Variants in ARHGAP15 observed in about 807,000 individuals in gnomAD.
ARHGAP15 encodes Rho GTPase activating protein 15.
Under a neutral mutation model 63.7 loss-of-function variants are expected in ARHGAP15, and 51 were observed. The observed-to-expected ratio is 0.80, with a 90% confidence interval of 0.64 to 1.01. The LOEUF (loss-of-function observed/expected upper bound fraction) is 1.01, where lower values mean the gene tolerates loss of function less well. ARHGAP15 is among the 50% of genes least tolerant of loss of function. The pLI, the probability that ARHGAP15 is intolerant of heterozygous loss-of-function variation, is 0.00. For synonymous variants in ARHGAP15, 191 were observed against 193.8 expected (o/e 0.99, Z 0.12); for missense variants, 560 against 564.6 (o/e 0.99, Z 0.08).
intron 6 of ARHGAP15, among the ~76,000 whole-genome samples, chr2:143,357,280 G>A (rs1180501957): frequency 6.6e-6 from 1 of 152,080 alleles, no homozygotes; most frequent in East Asian, 1.9e-4. Flanking sequence ...CACTCTGTGT[G>A]CTCAAATCAG....
chr2:143,359,527 C>T (rs1051339917), intron 6 of ARHGAP15, among the ~76,000 whole-genome samples: 1 of 152,084 alleles, frequency 6.6e-6, no homozygotes, highest in East Asian at 1.9e-4. Context: ...GCCTTCATCC[C>T]TCAATATGTC....
intron 8 of ARHGAP15, among the ~76,000 whole-genome samples, chr2:143,449,084 T>A (rs1313040480): frequency 6.6e-6 from 1 of 152,052 alleles, no homozygotes; most frequent in Non-Finnish European, 1.5e-5. Flanking sequence ...TTCCAACCCA[T>A]GATTACGGAC....
chr2:143,281,562 A>G (rs538856346), intron 6 of ARHGAP15, among the ~76,000 whole-genome samples: 1 of 152,164 alleles, frequency 6.6e-6, no homozygotes, highest in Admixed American at 6.5e-5. Flanking sequence ...TGACTCTTCC[A>G]TAGGTAACGT....
chr2:143,253,739 T>G (rs946220125), intron 6 of ARHGAP15, among the ~76,000 whole-genome samples: 10 of 148,834 alleles, frequency 6.7e-5, no homozygotes, highest in African/African-American at 2.0e-4. Context: ...GTATAAAATA[T>G]ATATACTTAT....
intron 6 of ARHGAP15, among the ~76,000 whole-genome samples, chr2:143,265,176 A>T (rs942566059): frequency 2.0e-5 from 3 of 151,798 alleles, no homozygotes; most frequent in Non-Finnish European, 4.4e-5. Context: ...TCAAGATAGG[A>T]TCTTTCTTGG....
intron 6 of ARHGAP15, among the ~76,000 whole-genome samples, chr2:143,411,483 A>G (rs1160825967): frequency 1.3e-5 from 2 of 152,176 alleles, no homozygotes; most frequent in African/African-American, 2.4e-5. Context: ...TAACTTCTCT[A>G]TTATAGTTAC....
chr2:143,623,024 G>T (rs376148127), intron 11 of ARHGAP15, among the ~76,000 whole-genome samples: 5 of 152,212 alleles, frequency 3.3e-5, no homozygotes, highest in African/African-American at 9.6e-5. Context: ...CAAATACCTC[G>T]GCGCTTGCCA....
At chr2:143,182,948 A>G (rs1230749113) in intron 2 of ARHGAP15, among the ~76,000 whole-genome samples, 2 of 152,188 alleles carry the variant, frequency 1.3e-5, no homozygotes, top group Admixed American at 1.3e-4. Flanking sequence ...CACTGGAAGG[A>G]TCAGGAGACC....
intron 6 of ARHGAP15, among the ~76,000 whole-genome samples, chr2:143,364,512 T>C (rs770977179): frequency 2.0e-5 from 3 of 152,150 alleles, no homozygotes; most frequent in Non-Finnish European, 4.4e-5. Flanking sequence ...TTATAATATG[T>C]GCTAGACAAT....
chr2:143,262,914 T>C (rs182856536), intron 6 of ARHGAP15, among the ~76,000 whole-genome samples: 1 of 152,250 alleles, frequency 6.6e-6, no homozygotes, highest in Non-Finnish European at 1.5e-5. Context: ...GAAGCATACA[T>C]GCTGCAGATA....
intron 8 of ARHGAP15, among the ~76,000 whole-genome samples, chr2:143,441,508 C>T (rs755894987): frequency 3.3e-5 from 5 of 152,176 alleles, no homozygotes; most frequent in African/African-American, 7.2e-5. Flanking sequence ...TTCATACACA[C>T]ATTAATTCTT....
intron 8 of ARHGAP15, among the ~76,000 whole-genome samples, chr2:143,439,016 A>G (rs1689740112): frequency 6.6e-6 from 1 of 152,034 alleles, no homozygotes. Context: ...AAGTATTAAG[A>G]TGCTGCTGAA....
intron 12 of ARHGAP15, among the ~76,000 whole-genome samples, chr2:143,692,189 AT>A (rs1488512714): frequency 4.6e-5 from 7 of 152,144 alleles, no homozygotes; most frequent in African/African-American, 1.7e-4. Flanking sequence ...GGCAACAATA[AT>A]CTGCTAAATT....
At chr2:143,303,113 A>G (rs1682987773) in intron 6 of ARHGAP15, among the ~76,000 whole-genome samples, 1 of 152,138 alleles carries the variant, frequency 6.6e-6, no homozygotes, top group Non-Finnish European at 1.5e-5. Flanking sequence ...CAAAGACTTC[A>G]TGACTAAAAC....
At chr2:143,764,870 C>G (rs1275384727) in intron 13 of ARHGAP15, among the ~76,000 whole-genome samples, 1 of 152,178 alleles carries the variant, frequency 6.6e-6, no homozygotes, top group African/African-American at 2.4e-5. Context: ...GACTCCAAGT[C>G]CTAATGTTCT....
intron 11 of ARHGAP15, among the ~76,000 whole-genome samples, chr2:143,581,576 C>T (rs901919054): frequency 3.3e-5 from 5 of 152,114 alleles, no homozygotes; most frequent in African/African-American, 9.7e-5. Flanking sequence ...AATCATTTAC[C>T]TTCTCACTTC....
At chr2:143,694,684 A>C (rs1270292923) in intron 12 of ARHGAP15, among the ~76,000 whole-genome samples, 1 of 152,202 alleles carries the variant, frequency 6.6e-6, no homozygotes, top group Non-Finnish European at 1.5e-5. Flanking sequence ...TTTTTAAAGG[A>C]TTTTGATGTT....
chr2:143,193,613 C>CT, intron 2 of ARHGAP15: 1 of 152,532 alleles, frequency 6.6e-6, no homozygotes, highest in Non-Finnish European at 1.5e-5. Flanking sequence ...TATTTTAAAT[C>CT]TTTGACTGAG....
At chr2:143,379,511 G>A (rs879939149) in intron 6 of ARHGAP15, among the ~76,000 whole-genome samples, 5 of 151,078 alleles carry the variant, frequency 3.3e-5, no homozygotes, top group African/African-American at 1.2e-4. Context: ...GTGTGTGTGT[G>A]TGTGTGTGTG....
Sources: allele counts gnomAD v4.1 joint callset (sites outside exome capture counted in the v4.1 genomes callset), GRCh38; gene constraint gnomAD v4.1.1; transcripts MANE v1.5; gene names NCBI Gene and HGNC (gene_info 2026-07-23, HGNC 2026-07-21).